The following FAM91A1 variants were observed in gnomAD, a reference collection of about 807,000 sequenced individuals.
FAM91A1 encodes the protein protein FAM91A1.
A neutral mutation model predicts 113.5 loss-of-function variants in FAM91A1; 41 were observed. That is an observed-to-expected ratio of 0.36 (90% CI 0.28 to 0.47). The LOEUF (loss-of-function observed/expected upper bound fraction) is 0.47. FAM91A1 is among the 20% of genes least tolerant of loss of function. The pLI is 1.00. For missense variants in FAM91A1, 696 were observed against 1,001.2 expected (o/e 0.70, Z 4.11); for synonymous variants, 307 against 347.9 (o/e 0.88, Z 1.31).
rs1816042365 is a variant in FAM91A1, at chr8:123,815,046, T to C, written c.*2342T>C. 6.6e-6 allele frequency: 1 copy of C among 152,532 alleles called. No individual in the cohort carries two copies. The highest frequency in any genetic ancestry group is 2.4e-5 in the African/African-American group (1 of 41,438). The allele number at this position is 152,532 out of a possible 1,614,324, so 9.4% of individuals were successfully genotyped here. On this transcript the variant is annotated 3_prime_UTR_variant, in exon 24 of 24. Coordinates refer to ENST00000334705, the MANE Select transcript of FAM91A1 (RefSeq NM_144963.4). ...ACCAAGAGGAAAGAAAGAACAAATA[T>C]CAAAAAAGACATAGAATTTAATATT... is the stretch of plus-strand genomic sequence containing the variant.
intron 6 of FAM91A1, 138 bp downstream of exon 6, chr8:123,778,910 A>G (rs997248808): frequency 5.1e-6 from 3 of 588,738 alleles, no homozygotes; most frequent in Non-Finnish European, 8.3e-6. Context: ...ATTTAAAATG[A>G]TCTTAGTAGA....
At chr8:123,806,596 G>A (rs934692001) in intron 20 of FAM91A1, among the ~76,000 whole-genome samples, 1 of 152,048 alleles carries the variant, frequency 6.6e-6, no homozygotes, top group Non-Finnish European at 1.5e-5. Context: ...CTGTCAAAAG[G>A]TACCATTGTC....
Position 123,775,426 on chromosome 8 carries a change from A to AAAG in FAM91A1, c.309+129_309+131dup, listed in dbSNP as rs369536417. 8.9e-4 allele frequency: 1,020 copies of AAAG among 1,150,802 alleles called. 8 individuals carry two copies. In the African/African-American group the frequency reaches 0.013, roughly 15 times the overall value. The allele number at this position is 1,150,802 out of a possible 1,614,324, so 71.3% of individuals were successfully genotyped here. On this transcript the variant is annotated intron_variant, in intron 3 of 23. Transcript: ENST00000334705. ...CACTCTTTCAGAACTTATAGTGTAA[A>AAAG]AAGGACTATTGGTGGCTTGTTAACT... is the stretch of plus-strand genomic sequence containing the variant.
At chr8:123,804,355 G>A (rs1347345265) in intron 18 of FAM91A1, among the ~76,000 whole-genome samples, 1 of 151,846 alleles carries the variant, frequency 6.6e-6, no homozygotes, top group African/African-American at 2.4e-5. Flanking sequence ...GCCGGGTGTG[G>A]TGGCGGGCGC....
chr8:123,812,394 C>CGG, intron 23 of FAM91A1, 125 bp from the exon 24 acceptor site: 1 of 582,592 alleles, frequency 1.7e-6, no homozygotes, highest in Non-Finnish European at 2.7e-6. Flanking sequence ...ATCTTTGCAT[C>CGG]TCCTGTACTG....
chr8:123,775,869 G>A (rs968661405), intron 3 of FAM91A1, among the ~76,000 whole-genome samples: 1 of 152,130 alleles, frequency 6.6e-6, no homozygotes, highest in East Asian at 1.9e-4. Context: ...GGAGGCTGAG[G>A]GGGGAGAATC....
At chr8:123,789,537 C>A in intron 14 of FAM91A1, 76 bp from the exon 15 acceptor site, 1 of 1,583,810 alleles carries the variant, frequency 6.3e-7, no homozygotes, top group Non-Finnish European at 8.6e-7. Flanking sequence ...TGTCTTATAT[C>A]TCTATTATAT....
chr8:123,787,512 C>T lies in FAM91A1; in HGVS notation c.1191+139C>T. On this transcript the variant is annotated intron_variant, in intron 13 of 23. Coordinates refer to ENST00000334705, the MANE Select transcript of FAM91A1 (RefSeq NM_144963.4). ...TGACTTAGAGGAGTATAATAACTTT[C>T]AGGGAAGGTCCTTTTGTAATTGGAA... 2 of 970,926 alleles carry T rather than the reference C, an allele frequency of 2.1e-6. 1 individual carries two copies. The highest frequency in any genetic ancestry group is 3.6e-5 in the South Asian group (2 of 56,044). The allele number at this position is 970,926 out of a possible 1,614,324, so 60.1% of individuals were successfully genotyped here. A position where few individuals can be genotyped will look rare whatever the true frequency, so the allele number is the denominator to read the frequency against.
chr8:123,812,407 T>A, intron 23 of FAM91A1, 112 bp from the exon 24 acceptor site: 5 of 779,480 alleles, frequency 6.4e-6, no homozygotes, highest in East Asian at 2.9e-5. Context: ...CTGTACTGCT[T>A]TGCAATCCAT....
At position 123,815,047 on chromosome 8, in the gene FAM91A1, C is replaced by T. The variant is rs1385676905; in HGVS notation, c.*2343C>T. 1 of 152,328 alleles carries T rather than the reference C, an allele frequency of 6.6e-6. No homozygotes were observed. The highest frequency in any genetic ancestry group is 1.5e-5 in the Non-Finnish European group (1 of 67,952). 9.4% of individuals were successfully genotyped at this position (152,328 alleles called of 1,614,324 possible). A position where few individuals can be genotyped will look rare whatever the true frequency, so the allele number is the denominator to read the frequency against. ...CCAAGAGGAAAGAAAGAACAAATAT[C>T]AAAAAAGACATAGAATTTAATATTG... On this transcript the variant is annotated 3_prime_UTR_variant, in exon 24 of 24. Coordinates refer to ENST00000334705, the MANE Select transcript of FAM91A1 (RefSeq NM_144963.4).
chr8:123,806,354 C>G, intron 20 of FAM91A1, 125 bp downstream of exon 20: 1 of 1,030,492 alleles, frequency 9.7e-7, no homozygotes, highest in Non-Finnish European at 1.4e-6. Context: ...TATTCTTTCA[C>G]TGAAGCACGA....
intron 14 of FAM91A1, chr8:123,788,347 CA>C (rs1261899879): frequency 1.4e-6 from 1 of 705,988 alleles, no homozygotes; most frequent in East Asian, 1.3e-4. Context: ...TCTTTGTATT[CA>C]AATAGTTTGT....
chr8:123,798,310 C>A, intron 16 of FAM91A1, 72 bp downstream of exon 16: 1 of 1,487,856 alleles, frequency 6.7e-7, no homozygotes, highest in South Asian at 1.3e-5. Context: ...TCTCTATCTG[C>A]AGATACCAAC....
Position 123,780,469 on chromosome 8 carries a change from T to C in FAM91A1, c.641-11T>C. ...TGTTCCATCTAAAACAAGGTACTTT[T>C]GTTTCTTCAGGTTTGTATAACAAAG... On this transcript the variant is annotated splice_polypyrimidine_tract_variant and intron_variant, in intron 7 of 23. Coordinates refer to ENST00000334705, the MANE Select transcript of FAM91A1 (RefSeq NM_144963.4). 6.2e-7 allele frequency: 1 copy of C among 1,603,368 alleles called. No individual in the cohort carries two copies. The highest frequency in any genetic ancestry group is 8.5e-7 in the Non-Finnish European group (1 of 1,173,558).
intron 15 of FAM91A1, among the ~76,000 whole-genome samples, chr8:123,795,480 C>T (rs1022744682): frequency 2.1e-4 from 32 of 151,858 alleles, no homozygotes; most frequent in African/African-American, 4.4e-4. Context: ...CCTCCTGCTC[C>T]GGCCATGTTA....
At chr8:123,771,770 TG>T (rs1814845980) in intron 1 of FAM91A1, among the ~76,000 whole-genome samples, 1 of 152,154 alleles carries the variant, frequency 6.6e-6, no homozygotes, top group Non-Finnish European at 1.5e-5. Flanking sequence ...ATGTATATGC[TG>T]GGATTGGAGT....
chr8:123,782,041 C>T (rs1257751921), intron 8 of FAM91A1, among the ~76,000 whole-genome samples: 2 of 152,178 alleles, frequency 1.3e-5, no homozygotes, highest in Non-Finnish European at 2.9e-5. Context: ...AAAGATTAGT[C>T]TTTGACTAGT....
intron 4 of FAM91A1, 151 bp downstream of exon 4, chr8:123,777,473 G>A (rs1173638808): frequency 6.1e-6 from 4 of 656,162 alleles, no homozygotes; most frequent in Non-Finnish European, 1.0e-5. Flanking sequence ...TTTATCAGAT[G>A]ATACCAGATG....
chr8:123,809,830 A>G (rs1815907882), intron 22 of FAM91A1, among the ~76,000 whole-genome samples: 1 of 152,200 alleles, frequency 6.6e-6, no homozygotes, highest in Admixed American at 6.5e-5. Context: ...AAAGATTACC[A>G]CTATAATTTT....
Sources: gnomAD v4.1 joint callset for allele counts (sites outside exome capture counted in the v4.1 genomes callset) on GRCh38, gnomAD v4.1.1 for gene constraint, MANE v1.5 for transcripts, NCBI Gene and HGNC (gene_info 2026-07-23, HGNC 2026-07-21) for gene names.